The following ULK4 variants were observed in gnomAD, a reference collection of about 807,000 sequenced individuals.
The protein encoded by ULK4 is inactive serine/threonine-protein kinase ULK4.
Under a neutral mutation model 160.6 loss-of-function variants are expected in ULK4, and 133 were observed. The ratio of observed to expected loss-of-function variants is 0.83; its 90% confidence interval spans 0.72 to 0.96. ULK4 has a LOEUF of 0.96. Ranked by LOEUF, ULK4 falls within the 40% of genes least tolerant of loss-of-function variation. ULK4 has a pLI of 0.00. For missense variants in ULK4, 1,580 were observed against 1,499.5 expected (o/e 1.05, Z -0.89); for synonymous variants, 534 against 539.8 (o/e 0.99, Z 0.15).
chr3:41,379,593 A>G (rs897513780), intron 35 of ULK4, among the ~76,000 whole-genome samples: 3 of 152,214 alleles, frequency 2.0e-5, no homozygotes, highest in Non-Finnish European at 2.9e-5. Flanking sequence ...TAAAATGCCA[A>G]TGAGACCTGA....
intron 21 of ULK4, chr3:41,766,525 A>AG (rs1392102824): frequency 2.0e-5 from 3 of 152,268 alleles, no homozygotes; most frequent in Admixed American, 2.0e-4. Flanking sequence ...GGCTTCTTCT[A>AG]GGAAAAAGCA....
intron 30 of ULK4, among the ~76,000 whole-genome samples, chr3:41,623,713 G>A (rs1407535253): frequency 6.6e-6 from 1 of 152,150 alleles, no homozygotes; most frequent in Non-Finnish European, 1.5e-5. Context: ...GTGTGGACAA[G>A]AAAAGGAAAG....
intron 32 of ULK4, among the ~76,000 whole-genome samples, chr3:41,553,742 T>G (rs1026822940): frequency 6.6e-6 from 1 of 152,004 alleles, no homozygotes; most frequent in African/African-American, 2.4e-5. Context: ...ATAAGATATT[T>G]TGATATAGGC....
chr3:41,323,477 A>G (rs2125733062), intron 35 of ULK4, among the ~76,000 whole-genome samples: 1 of 151,622 alleles, frequency 6.6e-6, no homozygotes, highest in East Asian at 1.9e-4. Flanking sequence ...ACTTCTGTCT[A>G]GTGAGAAAAA....
chr3:41,801,551 A>G (rs2040460393), intron 19 of ULK4, among the ~76,000 whole-genome samples: 1 of 151,902 alleles, frequency 6.6e-6, no homozygotes, highest in African/African-American at 2.4e-5. Context: ...AAAAAGGAAT[A>G]AAGAGAAAAC....
chr3:41,539,792 T>C (rs1201958640), intron 32 of ULK4, among the ~76,000 whole-genome samples: 1 of 152,122 alleles, frequency 6.6e-6, no homozygotes, highest in Non-Finnish European at 1.5e-5. Context: ...CTTAAGCTCC[T>C]GTCCTCTGGG....
intron 35 of ULK4, among the ~76,000 whole-genome samples, chr3:41,259,451 G>A (rs907011505): frequency 2.6e-5 from 4 of 152,206 alleles, no homozygotes; most frequent in Admixed American, 6.5e-5. Flanking sequence ...TCAGTTTGCA[G>A]GAGAGGATGT....
chr3:41,799,501 C>T, intron 20 of ULK4, among the ~76,000 whole-genome samples: 1 of 152,114 alleles, frequency 6.6e-6, no homozygotes, highest in African/African-American at 2.4e-5. Context: ...AGTCAGGGAA[C>T]ACTAAAAATA....
intron 35 of ULK4, among the ~76,000 whole-genome samples, chr3:41,300,837 T>A (rs9840858): frequency 0.1 from 5,957 of 57,180 alleles, 517 homozygotes; most frequent in South Asian, 0.21. Context: ...ATTTTACAGA[T>A]TATATATATA....
chr3:41,520,633 A>G (rs1364630026), intron 32 of ULK4, among the ~76,000 whole-genome samples: 1 of 152,200 alleles, frequency 6.6e-6, no homozygotes, highest in Non-Finnish European at 1.5e-5. Context: ...AGGAACTACT[A>G]TACAATTTTC....
chr3:41,377,116 A>G (rs1048725698), intron 35 of ULK4, among the ~76,000 whole-genome samples: 10 of 152,148 alleles, frequency 6.6e-5, no homozygotes, highest in Non-Finnish European at 1.5e-4. Flanking sequence ...CAAAAACAAG[A>G]AATTGGGAAA....
chr3:41,787,102 A>T (rs1174874830), intron 21 of ULK4, among the ~76,000 whole-genome samples: 1 of 152,166 alleles, frequency 6.6e-6, no homozygotes, highest in Non-Finnish European at 1.5e-5. Flanking sequence ...AGCACCATGG[A>T]AAAACCACAC....
At chr3:41,333,076 A>T (rs539770997) in intron 35 of ULK4, among the ~76,000 whole-genome samples, 1 of 152,382 alleles carries the variant, frequency 6.6e-6, no homozygotes, top group East Asian at 1.9e-4. Context: ...AAACCCCAAC[A>T]ACATGAGAAA....
At chr3:41,629,828 A>C (rs1453065724) in intron 30 of ULK4, among the ~76,000 whole-genome samples, 2 of 77,096 alleles carry the variant, frequency 2.6e-5, no homozygotes, top group African/African-American at 1.2e-4. Context: ...TGGTCTCTAT[A>C]AAAAAAAAAA....
At chr3:41,838,916 T>A (rs943069384) in intron 17 of ULK4, among the ~76,000 whole-genome samples, 1 of 152,112 alleles carries the variant, frequency 6.6e-6, no homozygotes, top group Non-Finnish European at 1.5e-5. Flanking sequence ...TACCTGAAGC[T>A]GGGGGTGGAG....
At chr3:41,801,418 G>A (rs1161064236) in intron 19 of ULK4, among the ~76,000 whole-genome samples, 1 of 151,960 alleles carries the variant, frequency 6.6e-6, no homozygotes, top group East Asian at 1.9e-4. Flanking sequence ...AATATTGTCT[G>A]AGAAGTTTTC....
chr3:41,418,560 T>C (rs886884884), intron 34 of ULK4, among the ~76,000 whole-genome samples: 2 of 152,206 alleles, frequency 1.3e-5, no homozygotes, highest in African/African-American at 4.8e-5. Flanking sequence ...CTTCATTTCC[T>C]AATCTAGTCT....
chr3:41,663,114 G>C (rs537855787), intron 30 of ULK4, among the ~76,000 whole-genome samples: 1 of 151,616 alleles, frequency 6.6e-6, no homozygotes, highest in Non-Finnish European at 1.5e-5. Context: ...CCAGCTACTC[G>C]GGAGGCTGAG....
chr3:41,606,263 C>T lies in ULK4; in HGVS notation c.3120+9406G>A, dbSNP rs182923148. On this transcript the variant is annotated intron_variant, in intron 31 of 36. Coordinates refer to ENST00000301831, the MANE Select transcript of ULK4 (RefSeq NM_017886.4). ...AACGAAGAGTTAAAATTAATGAAATCGAAAATTAAAAAAAAGAAAGCAATA... is the reference window on the plus strand; with the variant it reads ...AACGAAGAGTTAAAATTAATGAAATTGAAAATTAAAAAAAAGAAAGCAATA... 1.4e-4 allele frequency among the ~76,000 whole-genome samples: 21 copies of T among 151,604 alleles called. 1 individual carries two copies. The East Asian group carries it at 3.9e-3, about 28-fold the overall frequency.
Sources: allele counts gnomAD v4.1 joint callset (sites outside exome capture counted in the v4.1 genomes callset), GRCh38; gene constraint gnomAD v4.1.1; transcripts MANE v1.5; gene names NCBI Gene and HGNC (gene_info 2026-07-23, HGNC 2026-07-21).